Variants in CASZ1 observed in about 807,000 individuals in gnomAD.
The protein encoded by CASZ1 is castor zinc finger 1.
In CASZ1, 28 loss-of-function variants were observed where a neutral mutation model predicts 135.2. The ratio of observed to expected loss-of-function variants is 0.21; its 90% CI spans 0.15 to 0.28. The LOEUF (loss-of-function observed/expected upper bound fraction) is 0.28, where lower values mean the gene tolerates loss of function less well. Ranked by LOEUF, CASZ1 falls within the 10% of genes least tolerant of loss-of-function variation. CASZ1 has a pLI of 1.00. For missense variants in CASZ1, 2,161 were observed against 2,453.3 expected, an observed-to-expected ratio of 0.88 and a Z score of 2.52; for synonymous variants, 1,068 against 1,073.4, an observed-to-expected ratio of 0.99 and a Z score of 0.10.
intron 11 of CASZ1, chr1:10,652,056 C>CAATAA (rs1642609471): frequency 1.3e-5 from 2 of 152,258 alleles, no homozygotes; most frequent in Non-Finnish European, 2.9e-5. Context: ...CATGAGCGTC[C>CAATAA]TATTGGGCCT....
At chr1:10,684,153 G>A (rs2100371432) in intron 4 of CASZ1, among the ~76,000 whole-genome samples, 1 of 147,480 alleles carries the variant, frequency 6.8e-6, no homozygotes, top group Non-Finnish European at 1.5e-5. Context: ...CTCTCGGAAG[G>A]AAGGCGCTGA....
At chr1:10,737,316 G>T (rs187032730) in intron 2 of CASZ1, among the ~76,000 whole-genome samples, 1 of 152,268 alleles carries the variant, frequency 6.6e-6, no homozygotes, top group African/African-American at 2.4e-5. Context: ...CACCCTCGTG[G>T]GCCCTCCCCT....
At chr1:10,653,206 T>C (rs1220032679) in intron 11 of CASZ1, 171 bp downstream of exon 11, 3 of 740,914 alleles carry the variant, frequency 4.0e-6, no homozygotes, top group Non-Finnish European at 6.9e-6. Context: ...GGGCCCCACA[T>C]AGAAACCAAC....
rs1486973296 is a variant in CASZ1 at position 10,726,412 on chromosome 1, A to G, written c.-76-20868T>C. Among the ~76,000 whole-genome samples the G allele has an allele frequency of 6.6e-6, 1 of 152,148 alleles. No individual in the cohort carries two copies. The highest frequency in any genetic ancestry group is 1.5e-5 in the Non-Finnish European group (1 of 68,014). On this transcript the variant is annotated intron_variant, in intron 2 of 20. Coordinates refer to ENST00000377022, the MANE Select transcript of CASZ1 (RefSeq NM_001079843.3). This position sits in a 1 kb window ranked among gnomAD's most constrained non-coding sequence, Gnocchi z 5.7. ...CTCCTTTCAGAAGATGCTATGAAAT[A>G]CTCATGGCCATCACAGTCCTCCTGG...
rs78614408 is a variant in CASZ1 at position 10,769,882 on chromosome 1, C to A, written c.-233-9025G>T. On this transcript the variant is annotated intron_variant, in intron 1 of 20. Transcript: ENST00000377022. Reference sequence around the variant, plus strand: ...TAAGTATTTTATATATGGATCATTACACTAAATCAAGGACCAGCCTGCAAG... The same window carrying A: ...TAAGTATTTTATATATGGATCATTAAACTAAATCAAGGACCAGCCTGCAAG... 3.9e-4 allele frequency among the ~76,000 whole-genome samples: 57 copies of A among 147,154 alleles called. 1 individual carries two copies. In the East Asian group the frequency reaches 1.0e-2, roughly 26 times the overall value.
chr1:10,670,560 G>A (rs1432666176), intron 4 of CASZ1, among the ~76,000 whole-genome samples: 1 of 152,234 alleles, frequency 6.6e-6, no homozygotes, highest in Non-Finnish European at 1.5e-5. Context: ...ACCGTGTACA[G>A]ACCAGACCCT....
In CASZ1 at chr1:10,774,270, G is replaced by A. The variant is rs1036314718; in HGVS notation, c.-233-13413C>T. Among the ~76,000 whole-genome samples the A allele has an allele frequency of 6.6e-6, 1 of 152,078 alleles. No individual in the cohort carries two copies. The highest frequency in any genetic ancestry group is 3.2e-3 in the Middle Eastern group (1 of 316). ...TATATCTCCTGACTCTCGGAGAATC[G>A]GGAACCATTTCAAAAGCTAAACAAT... is the stretch of plus-strand genomic sequence containing the variant. On this transcript the variant is annotated intron_variant, in intron 1 of 20. Transcript: ENST00000377022. This position sits in a 1 kb window ranked among gnomAD's most constrained non-coding sequence, Gnocchi z 4.4.
intron 2 of CASZ1, among the ~76,000 whole-genome samples, chr1:10,758,863 G>A (rs1640309499): frequency 6.6e-6 from 1 of 152,172 alleles, no homozygotes; most frequent in Non-Finnish European, 1.5e-5. Flanking sequence ...AGTGAGGAGG[G>A]ACTTGGCCAT....
chr1:10,639,314 G>A lies in CASZ1; in HGVS notation c.4908C>T (p.Ala1636=), dbSNP rs973468070. 13 of 1,428,708 alleles carry A rather than the reference G, an allele frequency of 9.1e-6. No homozygotes were observed. Among genetic ancestry groups the A allele is most frequent in the Non-Finnish European group, 1.2e-5 (13 of 1,100,272 alleles). The allele number at this position is 1,428,708 out of a possible 1,614,324, so 88.5% of individuals were successfully genotyped here. A position where few individuals can be genotyped will look rare whatever the true frequency, so the allele number is the denominator to read the frequency against. ...CGCCCAGCGCCAGGCCCAGGCCGGC[G>A]GCCGCCGACTGCAGGAAGAGCAGCG... is the stretch of plus-strand genomic sequence containing the variant. ...PGSLLFLQSA[A]AGLGLALGDA... Residue 1636 remains alanine, a synonymous_variant, in exon 21 of 21, where the codon GCC becomes GCT. Transcript: ENST00000377022. This position sits in a 1 kb window ranked among gnomAD's most constrained non-coding sequence, Gnocchi z 4.0.
chr1:10,748,439 G>T (rs1640088938), intron 2 of CASZ1, among the ~76,000 whole-genome samples: 1 of 152,238 alleles, frequency 6.6e-6, no homozygotes. Context: ...CAGGTCCCAG[G>T]TCCGGTCACA....
chr1:10,646,960 C>T lies in CASZ1; in HGVS notation c.3498-634G>A, dbSNP rs896384342. Among the ~76,000 whole-genome samples the T allele has an allele frequency of 1.4e-4, 21 of 152,110 alleles. No homozygotes were observed. Among genetic ancestry groups the T allele is most frequent in the African/African-American group, 4.8e-4 (20 of 41,420 alleles). On this transcript the variant is annotated intron_variant, in intron 16 of 20. Coordinates refer to ENST00000377022, the MANE Select transcript of CASZ1 (RefSeq NM_001079843.3). This position sits in a 1 kb window ranked among gnomAD's most constrained non-coding sequence, Gnocchi z 6.4. ...GGTGTGCTGGCCTGCCCTAGGCCGCCTCCAGGATGCAGAGGGGTGCAGGAG... is the reference window on the plus strand; with the variant it reads ...GGTGTGCTGGCCTGCCCTAGGCCGCTTCCAGGATGCAGAGGGGTGCAGGAG...
chr1:10,715,597 AC>A (rs1639365622), intron 2 of CASZ1, among the ~76,000 whole-genome samples: 3 of 86,292 alleles, frequency 3.5e-5, no homozygotes, highest in African/African-American at 5.6e-5. Flanking sequence ...CCCAATCCGC[AC>A]CCCACAGCAC....
rs1050495412 is a variant in CASZ1, at chr1:10,777,716, A to G, written c.-233-16859T>C. 2.0e-5 allele frequency among the ~76,000 whole-genome samples: 3 copies of G among 151,394 alleles called. No individual in the cohort carries two copies. Among genetic ancestry groups the G allele is most frequent in the Non-Finnish European group, 2.9e-5 (2 of 67,820 alleles). ...CACACACCATCTCATACAAAATCAC[A>G]CACAAAACCACATACCACGTTACAA... is the stretch of plus-strand genomic sequence containing the variant. On this transcript the variant is annotated intron_variant, in intron 1 of 20. Coordinates refer to ENST00000377022, the MANE Select transcript of CASZ1 (RefSeq NM_001079843.3). This position sits in a 1 kb window ranked among gnomAD's most constrained non-coding sequence, Gnocchi z 4.4.
At chr1:10,769,161 C>T (rs1640531091) in intron 1 of CASZ1, among the ~76,000 whole-genome samples, 1 of 152,048 alleles carries the variant, frequency 6.6e-6, no homozygotes, top group African/African-American at 2.4e-5. Context: ...GAAAAGAAAA[C>T]TCAAGCCAGT....
intron 2 of CASZ1, among the ~76,000 whole-genome samples, chr1:10,718,817 A>G (rs1243234952): frequency 6.6e-6 from 1 of 152,224 alleles, no homozygotes; most frequent in East Asian, 1.9e-4. Flanking sequence ...CAGGAGCCAA[A>G]TCATTCTGCA....
chr1:10,693,973 G>C, intron 3 of CASZ1, 61 bp from the exon 4 acceptor site: 1 of 1,527,616 alleles, frequency 6.5e-7, no homozygotes, highest in Non-Finnish European at 9.0e-7. Flanking sequence ...AGCGTCTCGC[G>C]GGACCCCGGC....
In CASZ1 at chr1:10,777,293, C is replaced by A. The variant is rs1163466965; in HGVS notation, c.-233-16436G>T. On this transcript the variant is annotated intron_variant, in intron 1 of 20. Coordinates refer to ENST00000377022, the MANE Select transcript of CASZ1 (RefSeq NM_001079843.3). This position sits in a 1 kb window ranked among gnomAD's most constrained non-coding sequence, Gnocchi z 4.4. ...AGGACAAGGACCGCAGGGTTGGGAC[C>A]CCTATGAGGACCACGGAGAGGGGCG... is the stretch of plus-strand genomic sequence containing the variant. Among the ~76,000 whole-genome samples, 4 of 152,280 alleles carry A rather than the reference C, an allele frequency of 2.6e-5. No individual in the cohort carries two copies. Among genetic ancestry groups the A allele is most frequent in the African/African-American group, 9.6e-5 (4 of 41,550 alleles).
At chr1:10,765,081 C>T (rs563661478) in intron 1 of CASZ1, among the ~76,000 whole-genome samples, 1 of 152,140 alleles carries the variant, frequency 6.6e-6, no homozygotes, top group East Asian at 1.9e-4. Flanking sequence ...CTGCTGCCTC[C>T]CCTACATCGG....
intron 2 of CASZ1, among the ~76,000 whole-genome samples, chr1:10,758,456 C>G (rs367886308): frequency 3.6e-4 from 55 of 152,094 alleles, no homozygotes; most frequent in Non-Finnish European, 6.0e-4. Flanking sequence ...CTTAGCCTCC[C>G]AAGTAGCTGG....
Sources: allele counts gnomAD v4.1 joint callset (sites outside exome capture counted in the v4.1 genomes callset), GRCh38; gene constraint gnomAD v4.1.1; non-coding constraint Gnocchi (gnomAD v3.1); transcripts MANE v1.5; gene names NCBI Gene and HGNC (gene_info 2026-07-23, HGNC 2026-07-21).